The following LRP1B variants were observed in gnomAD, a reference collection of about 807,000 sequenced individuals.
LRP1B encodes LDL receptor related protein 1B, also known as low-density lipoprotein receptor-related protein 1B.
In LRP1B, 217 loss-of-function variants were observed where a neutral mutation model predicts 556.6. The ratio of observed to expected loss-of-function variants is 0.39; its 90% CI spans 0.35 to 0.44. LRP1B has a LOEUF of 0.44. LRP1B is among the 20% of genes least tolerant of loss of function. The probability of loss-of-function intolerance (pLI) is 1.00; values close to 1 mark genes in which losing one functional copy is unlikely to be tolerated. For missense variants in LRP1B, 5,053 were observed against 5,620.8 expected, an observed-to-expected ratio of 0.90 and a Z score of 3.23; for synonymous variants, 2,047 against 1,865.8, an observed-to-expected ratio of 1.10 and a Z score of -2.50.
At chr2:141,611,202 T>C (rs143046490) in intron 2 of LRP1B, among the ~76,000 whole-genome samples, 211 of 152,324 alleles carry the variant, frequency 1.4e-3, no homozygotes, top group Non-Finnish European at 2.4e-3. Flanking sequence ...TCCTCTGTAG[T>C]AAGAGTGAGC....
chr2:141,951,187 A>G (rs1701094624), intron 1 of LRP1B, among the ~76,000 whole-genome samples: 1 of 152,076 alleles, frequency 6.6e-6, no homozygotes, highest in Non-Finnish European at 1.5e-5. Context: ...ATATTTTTAA[A>G]TCACTATTTT....
intron 5 of LRP1B, among the ~76,000 whole-genome samples, chr2:141,231,803 C>T (rs1573687961): frequency 1.3e-5 from 2 of 152,082 alleles, no homozygotes; most frequent in African/African-American, 2.4e-5. Flanking sequence ...CTGCCTTTAA[C>T]AAGACATTAA....
At chr2:141,977,807 AAT>A (rs1701928296) in intron 1 of LRP1B, among the ~76,000 whole-genome samples, 1 of 152,128 alleles carries the variant, frequency 6.6e-6, no homozygotes, top group African/African-American at 2.4e-5. Context: ...TGAAGTGAAA[AAT>A]AGTCTTTTCT....
At position 141,873,213 on chromosome 2, in the gene LRP1B, T is replaced by C. The variant is rs1178000672; in HGVS notation, c.83-62812A>G. ...GCTTACACCTGTAATCCTAACACTT[T>C]GGAAGGCTGAGGCAGGAGACTTGCT... On this transcript the variant is annotated intron_variant, in intron 1 of 90. Transcript: ENST00000389484. Among the ~76,000 whole-genome samples, 3 of 152,020 alleles carry C rather than the reference T, an allele frequency of 2.0e-5. No individual in the cohort carries two copies. In the East Asian group the frequency reaches 5.8e-4, roughly 29 times the overall value.
intron 1 of LRP1B, among the ~76,000 whole-genome samples, chr2:141,938,320 G>T (rs1486006401): frequency 1.3e-5 from 2 of 152,014 alleles, no homozygotes; most frequent in Non-Finnish European, 2.9e-5. Context: ...TTCCAAAGAA[G>T]AAATAAAAAT....
intron 3 of LRP1B, among the ~76,000 whole-genome samples, chr2:141,479,910 A>G (rs992463990): frequency 6.6e-6 from 1 of 152,184 alleles, no homozygotes; most frequent in African/African-American, 2.4e-5. Context: ...AAATTACAAG[A>G]AAGTTAACAG....
Position 141,852,954 on chromosome 2 carries a change from A to T in LRP1B, c.83-42553T>A, listed in dbSNP as rs111849079. Among the ~76,000 whole-genome samples, 4 of 151,692 alleles carry T rather than the reference A, an allele frequency of 2.6e-5. 1 individual carries two copies. Among genetic ancestry groups the T allele is most frequent in the African/African-American group, 9.6e-5 (4 of 41,504 alleles). On this transcript the variant is annotated intron_variant, in intron 1 of 90. Transcript: ENST00000389484. ...AATAAATTGTGAATACATCATTATC[A>T]TATGGTGCATCTCAGTTCCATTACA...
intron 3 of LRP1B, among the ~76,000 whole-genome samples, chr2:141,277,138 C>T (rs1685330561): frequency 6.6e-6 from 1 of 152,020 alleles, no homozygotes; most frequent in Non-Finnish European, 1.5e-5. Flanking sequence ...AATTTATTTT[C>T]CTTTGGGTGT....
At chr2:140,758,283 T>TG (rs34838370) in intron 35 of LRP1B, among the ~76,000 whole-genome samples, 50,967 of 151,834 alleles carry the variant, frequency 0.34, 8,726 homozygotes, top group African/African-American at 0.4. Flanking sequence ...CATGTTAGAA[T>TG]GTAAGTAAAA....
chr2:141,803,461 T>C (rs544912717), intron 2 of LRP1B, among the ~76,000 whole-genome samples: 104 of 151,988 alleles, frequency 6.8e-4, no homozygotes, highest in African/African-American at 2.1e-3. Flanking sequence ...TCTCTACTGC[T>C]GAAGAGAGGA....
intron 3 of LRP1B, among the ~76,000 whole-genome samples, chr2:141,316,930 G>C (rs1235627232): frequency 6.6e-6 from 1 of 152,160 alleles, no homozygotes; most frequent in Non-Finnish European, 1.5e-5. Flanking sequence ...TATTTGGCAA[G>C]GTACAATGAT....
At chr2:140,396,167 C>G (rs1364246590) in intron 66 of LRP1B, among the ~76,000 whole-genome samples, 3 of 152,122 alleles carry the variant, frequency 2.0e-5, no homozygotes, top group African/African-American at 7.2e-5. Flanking sequence ...CATCCTTGAG[C>G]CCCTGTTACA....
At position 140,364,797 on chromosome 2, in the gene LRP1B, CA is replaced by C; in HGVS notation, c.11009-15del. 6.2e-7 allele frequency: 1 copy of C among 1,605,116 alleles called. No homozygotes were observed. Among genetic ancestry groups the C allele is most frequent in the Non-Finnish European group, 8.5e-7 (1 of 1,174,764 alleles). ...ATATATTTCCTCCTTTATTTTAAAA[CA>C]AAAAGAAACAAAGAGATTCAGAGTA... is the stretch of plus-strand genomic sequence containing the variant. On this transcript the variant is annotated splice_polypyrimidine_tract_variant and intron_variant, in intron 71 of 90. Transcript: ENST00000389484.
intron 2 of LRP1B, among the ~76,000 whole-genome samples, chr2:141,551,564 G>A (rs1476954501): frequency 3.9e-5 from 6 of 151,904 alleles, no homozygotes; most frequent in African/African-American, 1.4e-4. Context: ...GAACAATTTT[G>A]GCAAAATGAC....
intron 1 of LRP1B, among the ~76,000 whole-genome samples, chr2:141,815,298 G>T (rs1696499295): frequency 1.3e-5 from 2 of 152,200 alleles, no homozygotes; most frequent in African/African-American, 4.8e-5. Context: ...GAACTGAGAA[G>T]CAGGATTAGT....
chr2:140,795,825 G>A (rs1264478545), intron 32 of LRP1B, among the ~76,000 whole-genome samples: 2 of 152,062 alleles, frequency 1.3e-5, no homozygotes, highest in East Asian at 3.9e-4. Context: ...ATTCCAACAT[G>A]AGATAATACC....
At chr2:141,346,532 C>T (rs542815751) in intron 3 of LRP1B, among the ~76,000 whole-genome samples, 1 of 152,226 alleles carries the variant, frequency 6.6e-6, no homozygotes, top group South Asian at 2.1e-4. Flanking sequence ...GGGGTCTTAG[C>T]TTCCAGGATT....
intron 43 of LRP1B, among the ~76,000 whole-genome samples, chr2:140,595,950 G>T (rs1379029275): frequency 1.3e-5 from 2 of 152,042 alleles, no homozygotes; most frequent in Non-Finnish European, 2.9e-5. Context: ...TACAGAATAT[G>T]AATTTAATAA....
At chr2:141,619,690 G>A (rs1246671863) in intron 2 of LRP1B, among the ~76,000 whole-genome samples, 1 of 152,146 alleles carries the variant, frequency 6.6e-6, no homozygotes, top group Non-Finnish European at 1.5e-5. Flanking sequence ...AACAAGAGTA[G>A]CAAAACAGCA....
Sources: allele counts gnomAD v4.1 joint callset (sites outside exome capture counted in the v4.1 genomes callset), GRCh38; gene constraint gnomAD v4.1.1; transcripts MANE v1.5; gene names NCBI Gene and HGNC (gene_info 2026-07-23, HGNC 2026-07-21).